MAX: variants seen among roughly 807,000 people sequenced by gnomAD.
MAX encodes the protein MYC associated transcriptional regulator X, also known as protein max.
A neutral mutation model predicts 22.3 loss-of-function variants in MAX; 3 were observed. That is an observed-to-expected ratio of 0.13 (90% confidence interval 0.06 to 0.35). MAX has a LOEUF of 0.35. MAX is among the 10% of genes least tolerant of loss of function. The pLI, the probability that MAX is intolerant of heterozygous loss-of-function variation, is 1.00. For synonymous variants in MAX, 72 were observed against 77.7 expected, an observed-to-expected ratio of 0.93 and a Z score of 0.39; for missense variants, 119 against 209.4, an observed-to-expected ratio of 0.57 and a Z score of 2.66.
At chr14:65,067,507 T>C (rs1299112753) in intron 3 of MAX, among the ~76,000 whole-genome samples, 1 of 152,224 alleles carries the variant, frequency 6.6e-6, no homozygotes, top group Non-Finnish European at 1.5e-5. Context: ...TGACGGTTTC[T>C]CATTCTTTCC....
rs1261737012 is a variant in MAX at position 65,027,791 on chromosome 14, G to C, written c.172-21507C>G. ...GTGAGGTGGATGTGAGGTGAGTGGG[G>C]TTTTGCACAGGCTGCCACATCAGTT... On this transcript the variant is annotated intron_variant, in intron 3 of 3. Coordinates refer to the MAX transcript ENST00000341653. The surrounding 1 kb of genome is among the most constrained non-coding windows in gnomAD (Gnocchi z 5.7). 6 of 1,613,898 alleles carry C rather than the reference G, an allele frequency of 3.7e-6. No homozygotes were observed. Among genetic ancestry groups the C allele is most frequent in the Non-Finnish European group, 5.1e-6 (6 of 1,180,008 alleles).
chr14:65,102,381 AGGGGAAGGGGTGAAGGGGAG>A lies in MAX; in HGVS notation c.-62_-43del. On this transcript the variant is annotated 5_prime_UTR_variant, in exon 1 of 5. Transcript: ENST00000358664. Reference sequence around the variant, plus strand: ...AGCGGCCACTGCAGCGGCGGCGGGGAGGGGAAGGGGTGAAGGGGAGGGGGAAGTCACCGACAACAACAAGC... The same window carrying A: ...AGCGGCCACTGCAGCGGCGGCGGGGAGGGGAAGTCACCGACAACAACAAGC... 6.2e-7 allele frequency: 1 copy of A among 1,602,364 alleles called. No homozygotes were observed. Among genetic ancestry groups the A allele is most frequent in the Non-Finnish European group, 8.5e-7 (1 of 1,172,690 alleles).
In MAX at chr14:65,088,272, A is replaced by G. The variant is rs1566614315; in HGVS notation, c.171+5436T>C. ...AAGCTGGGTATCTTATTTACAGAAC[A>G]TGGAATACCAGTCCTTACCTAAATG... On this transcript the variant is annotated intron_variant, in intron 3 of 4. Transcript: ENST00000358664. This position sits in a 1 kb window ranked among gnomAD's most constrained non-coding sequence, Gnocchi z 5.2. Among the ~76,000 whole-genome samples the G allele has an allele frequency of 2.0e-5, 3 of 152,230 alleles. No individual in the cohort carries two copies. The highest frequency in any genetic ancestry group is 4.1e-4 in the South Asian group (2 of 4,826).
At chr14:65,036,749 A>G (rs1293102343) in intron 3 of MAX, among the ~76,000 whole-genome samples, 2 of 151,998 alleles carry the variant, frequency 1.3e-5, no homozygotes, top group Non-Finnish European at 2.9e-5. Context: ...GTTGGAGTGC[A>G]GTGGCGTAAT....
chr14:65,038,751 T>C (rs2062273935), intron 3 of MAX, among the ~76,000 whole-genome samples: 1 of 152,188 alleles, frequency 6.6e-6, no homozygotes, highest in Non-Finnish European at 1.5e-5. Context: ...AATATTTCAT[T>C]GCATGGTTCG....
chr14:65,032,689 A>T lies in MAX; in HGVS notation c.172-26405T>A. The T allele has an allele frequency of 6.2e-7, 1 of 1,613,506 alleles. No individual in the cohort carries two copies. The highest frequency in any genetic ancestry group is 8.5e-7 in the Non-Finnish European group (1 of 1,179,862). ...CCTCTTTGAGGGCACTGCTGAATGG[A>T]TAGCAAGGTGAGAGAAGCCAGGGTT... On this transcript the variant is annotated intron_variant, in intron 3 of 3. Transcript: ENST00000341653. This position sits in a 1 kb window ranked among gnomAD's most constrained non-coding sequence, Gnocchi z 5.0.
rs2139753133 is a variant in MAX, at chr14:65,077,944, G to A, written c.264C>T (p.Leu88=). 1 of 1,614,242 alleles carries A rather than the reference G, an allele frequency of 6.2e-7. No individual in the cohort carries two copies. Among genetic ancestry groups the A allele is most frequent in the Non-Finnish European group, 8.5e-7 (1 of 1,180,036 alleles). The change falls in exon 4 of 5, where the codon CTC becomes CTT. Residue 88 remains leucine (L), a synonymous_variant. Transcript: ENST00000358664. This position sits in a 1 kb window ranked among gnomAD's most constrained non-coding sequence, Gnocchi z 6.3. ...GCTCCAGAAGAGCATTCTGCCGCTT[G>A]AGGTCGTCAATATCTTGCTGGTGTG... The part of the protein sequence containing the change: ...NHTHQQDIDD[L]KRQNALLEQQ...
chr14:65,076,315 T>C lies in MAX; in HGVS notation c.*161A>G, dbSNP rs1371860744. On this transcript the variant is annotated 3_prime_UTR_variant, in exon 5 of 5. Transcript: ENST00000358664. This position sits in a 1 kb window ranked among gnomAD's most constrained non-coding sequence, Gnocchi z 6.6. ...AATGGGGAAGGAGAACGAGAGCTGT[T>C]GTCCAAGAGCTTCTACGTAAAAATA... The C allele has an allele frequency of 1.1e-5, 17 of 1,483,850 alleles. No individual in the cohort carries two copies. In the East Asian group the frequency reaches 3.7e-4, roughly 32 times the overall value. 91.9% of individuals were successfully genotyped at this position (1,483,850 alleles called of 1,614,324 possible).
intron 3 of MAX, among the ~76,000 whole-genome samples, chr14:65,068,147 G>A (rs545423609): frequency 1.3e-5 from 2 of 152,200 alleles, no homozygotes; most frequent in African/African-American, 2.4e-5. Context: ...TGCAGTCCAC[G>A]CTTAAGAAGT....
At chr14:65,006,245 A>G (rs781741722) in exon 4 of MAX, 1 of 1,611,316 alleles carries the variant, frequency 6.2e-7, no homozygotes, top group Non-Finnish European at 8.5e-7. Context: ...AAGTGTTCAT[A>G]AGGAAAGACA....
chr14:65,026,793 C>T (rs972171148), intron 3 of MAX, among the ~76,000 whole-genome samples: 2 of 151,540 alleles, frequency 1.3e-5, no homozygotes, highest in Admixed American at 6.6e-5. Context: ...ACCTGGGAGA[C>T]GGATGCTGCA....
intron 3 of MAX, among the ~76,000 whole-genome samples, chr14:65,059,336 T>C (rs1284355614): frequency 6.6e-6 from 1 of 152,034 alleles, no homozygotes; most frequent in African/African-American, 2.4e-5. Context: ...CTAGCCCCTT[T>C]TTTTTTTTCA....
At chr14:65,041,648 G>A (rs1001037828) in intron 3 of MAX, among the ~76,000 whole-genome samples, 3 of 152,160 alleles carry the variant, frequency 2.0e-5, no homozygotes, top group South Asian at 4.1e-4. Context: ...GCGGCCCATC[G>A]TGAGCTTCCT....
intron 3 of MAX, among the ~76,000 whole-genome samples, chr14:65,067,047 G>A (rs2062938578): frequency 2.7e-5 from 4 of 150,646 alleles, no homozygotes; most frequent in Middle Eastern, 3.2e-3. Context: ...TTAGTCGGAT[G>A]CGGTGGCACA....
Position 65,077,300 on chromosome 14 carries a change from T to C in MAX, c.295+613A>G. 1 of 1,337,658 alleles carries C rather than the reference T, an allele frequency of 7.5e-7. No individual in the cohort carries two copies. The highest frequency in any genetic ancestry group is 1.1e-6 in the Non-Finnish European group (1 of 943,438). 82.9% of individuals were successfully genotyped at this position (1,337,658 alleles called of 1,614,324 possible). ...GAAGGTCAACCCATTTAATTTATTTTATTTTATTTTATTTGAGGTTTTCTA... is the reference window on the plus strand; with the variant it reads ...GAAGGTCAACCCATTTAATTTATTTCATTTTATTTTATTTGAGGTTTTCTA... On this transcript the variant is annotated intron_variant, in intron 4 of 4. Transcript: ENST00000358664. The surrounding 1 kb of genome is among the most constrained non-coding windows in gnomAD (Gnocchi z 6.3).
chr14:65,051,244 A>G (rs770123239), intron 3 of MAX, among the ~76,000 whole-genome samples: 5 of 152,194 alleles, frequency 3.3e-5, no homozygotes, highest in Admixed American at 6.5e-5. Flanking sequence ...CTAGTGCTCA[A>G]CCTTGGAAAC....
intron 3 of MAX, among the ~76,000 whole-genome samples, chr14:65,013,729 G>A (rs2061721727): frequency 6.6e-6 from 1 of 152,252 alleles, no homozygotes; most frequent in South Asian, 2.1e-4. Flanking sequence ...TGTATTTTTA[G>A]TAGAGACAGG....
intron 3 of MAX, among the ~76,000 whole-genome samples, chr14:65,083,177 A>G (rs2139790615): frequency 6.6e-6 from 1 of 152,240 alleles, no homozygotes; most frequent in Middle Eastern, 3.4e-3. Flanking sequence ...GGGAAGGCCA[A>G]CCCTCTCAAG....
chr14:65,060,952 G>C (rs1450985120), intron 3 of MAX, among the ~76,000 whole-genome samples: 1 of 147,454 alleles, frequency 6.8e-6, no homozygotes, highest in Non-Finnish European at 1.5e-5. Flanking sequence ...GTAAGTATTT[G>C]CCTGTATCGT....
Sources: allele counts gnomAD v4.1 joint callset (sites outside exome capture counted in the v4.1 genomes callset), GRCh38; gene constraint gnomAD v4.1.1; non-coding constraint Gnocchi (gnomAD v3.1); transcripts MANE v1.5; gene names NCBI Gene and HGNC (gene_info 2026-07-23, HGNC 2026-07-21).